Variants in MSRA observed in about 807,000 individuals in gnomAD.
MSRA encodes the protein mitochondrial peptide methionine sulfoxide reductase.
MSRA carries 54 observed loss-of-function variants against 31.3 expected under a neutral mutation model. The observed-to-expected ratio is 1.73, with a 90% CI of 1.39 to 2.17. The LOEUF is 2.17. Ranked by LOEUF, MSRA falls within the 30% of genes most tolerant of loss-of-function variation. The probability of loss-of-function intolerance (pLI) is 0.00; values close to 1 mark genes in which losing one functional copy is unlikely to be tolerated. For synonymous variants in MSRA, 169 were observed against 116.5 expected (o/e 1.45, Z -2.90); for missense variants, 507 against 300.9 (o/e 1.69, Z -5.07).
chr8:10,304,764 A>G (rs1230423521), intron 4 of MSRA, among the ~76,000 whole-genome samples: 1 of 152,226 alleles, frequency 6.6e-6, no homozygotes, highest in Non-Finnish European at 1.5e-5. Flanking sequence ...CCACTAGAGA[A>G]GATGAGGGTG....
In MSRA at chr8:10,325,511, A is replaced by C. The variant is rs150486395; in HGVS notation, c.543+5522A>C. 1.5e-3 allele frequency among the ~76,000 whole-genome samples: 221 copies of C among 152,240 alleles called. 1 individual carries two copies. The highest frequency in any genetic ancestry group is 5.1e-3 in the African/African-American group (211 of 41,562). On this transcript the variant is annotated intron_variant, in intron 5 of 5. Transcript: ENST00000317173. ...TTTAGCTGTAGATGTGTATCTCTCT[A>C]TGTCTTTATATAAAGTTAAATGCAT...
intron 3 of MSRA, among the ~76,000 whole-genome samples, chr8:10,270,820 G>A (rs1001276063): frequency 6.6e-6 from 1 of 152,234 alleles, no homozygotes; most frequent in African/African-American, 2.4e-5. Flanking sequence ...AAAGAAGAGA[G>A]TTATGAAGCC....
intron 5 of MSRA, among the ~76,000 whole-genome samples, chr8:10,350,836 G>C (rs1234957584): frequency 6.6e-6 from 1 of 152,222 alleles, no homozygotes; most frequent in South Asian, 2.1e-4. Context: ...CAGTTCCCAG[G>C]GTCGCTTCAG....
chr8:10,236,398 C>G (rs1359535312), intron 2 of MSRA, among the ~76,000 whole-genome samples: 1 of 152,158 alleles, frequency 6.6e-6, no homozygotes, highest in East Asian at 1.9e-4. Flanking sequence ...GAATTCTCTA[C>G]TCTTTCTGGC....
chr8:10,066,882 T>TC (rs1797479909), intron 1 of MSRA, among the ~76,000 whole-genome samples: 1 of 151,926 alleles, frequency 6.6e-6, no homozygotes, highest in African/African-American at 2.4e-5. Context: ...TGACTTTTTT[T>TC]TTTTTTTCGA....
intron 5 of MSRA, among the ~76,000 whole-genome samples, chr8:10,343,935 C>G (rs563278872): frequency 1.3e-5 from 2 of 152,172 alleles, no homozygotes; most frequent in African/African-American, 4.8e-5. Flanking sequence ...TCAATTGATT[C>G]ATCCTCAGTC....
chr8:10,294,127 G>A (rs1405374650), intron 3 of MSRA, among the ~76,000 whole-genome samples: 2 of 151,834 alleles, frequency 1.3e-5, no homozygotes, highest in African/African-American at 4.9e-5. Context: ...CTTGAACCTG[G>A]GAGGTGGAGG....
At chr8:10,104,268 T>C (rs1799727299) in intron 1 of MSRA, among the ~76,000 whole-genome samples, 1 of 152,194 alleles carries the variant, frequency 6.6e-6, no homozygotes, top group African/African-American at 2.4e-5. Context: ...TCCCAAGTAT[T>C]TGTAATGTGA....
intron 1 of MSRA, among the ~76,000 whole-genome samples, chr8:10,065,628 G>A (rs1160030041): frequency 6.6e-6 from 1 of 152,144 alleles, no homozygotes; most frequent in Non-Finnish European, 1.5e-5. Flanking sequence ...TGGAACTCAA[G>A]CCTGAACTAT....
intron 1 of MSRA, among the ~76,000 whole-genome samples, chr8:10,061,117 C>G (rs749400845): frequency 6.6e-6 from 1 of 152,164 alleles, no homozygotes; most frequent in African/African-American, 2.4e-5. Flanking sequence ...TGAGGGTATT[C>G]TGTACCTCCC....
chr8:10,400,359 C>CTGTGTG (rs1807378333), intron 5 of MSRA, among the ~76,000 whole-genome samples: 1 of 16,202 alleles, frequency 6.2e-5, no homozygotes, highest in African/African-American at 1.4e-4. Flanking sequence ...CCTATTCAGG[C>CTGTGTG]TCTGTGTGTG....
In MSRA at chr8:10,255,712, G is replaced by C. The variant is rs150474273; in HGVS notation, c.331+10489G>C. Among the ~76,000 whole-genome samples the C allele has an allele frequency of 1.8e-3, 275 of 152,118 alleles. 2 individuals carry two copies. Among genetic ancestry groups the C allele is most frequent in the African/African-American group, 6.3e-3 (263 of 41,484 alleles). Reference sequence around the variant, plus strand: ...GGGGAACAATCATCTGTCTGGTTTTGAGAGTCAGGTCGTAAAATGGTGAAA... The same window carrying C: ...GGGGAACAATCATCTGTCTGGTTTTCAGAGTCAGGTCGTAAAATGGTGAAA... On this transcript the variant is annotated intron_variant, in intron 3 of 5. Coordinates refer to ENST00000317173, the MANE Select transcript of MSRA (RefSeq NM_012331.5).
chr8:10,362,657 C>A (rs190925007), intron 5 of MSRA, among the ~76,000 whole-genome samples: 171 of 152,140 alleles, frequency 1.1e-3, no homozygotes, highest in African/African-American at 3.9e-3. Context: ...CCTGCTCCCC[C>A]ACCAATTTCT....
At chr8:10,165,666 C>CT (rs1344726409) in intron 1 of MSRA, among the ~76,000 whole-genome samples, 1 of 152,158 alleles carries the variant, frequency 6.6e-6, no homozygotes, top group Non-Finnish European at 1.5e-5. Flanking sequence ...TCCTAACCCC[C>CT]AAATCAGGAC....
chr8:10,213,512 C>A (rs1006720331), intron 2 of MSRA, among the ~76,000 whole-genome samples: 6 of 145,842 alleles, frequency 4.1e-5, no homozygotes, highest in African/African-American at 1.3e-4. Context: ...CCTCGGCTCA[C>A]TGCAACCTCC....
At chr8:10,328,373 G>T (rs889427505) in intron 5 of MSRA, among the ~76,000 whole-genome samples, 4 of 151,472 alleles carry the variant, frequency 2.6e-5, no homozygotes, top group Non-Finnish European at 5.9e-5. Context: ...CAATGAATCA[G>T]ATTAACAGAT....
At chr8:10,166,818 C>G (rs527559444) in intron 1 of MSRA, among the ~76,000 whole-genome samples, 4 of 152,270 alleles carry the variant, frequency 2.6e-5, no homozygotes, top group African/African-American at 9.6e-5. Context: ...TCAGCAGAGC[C>G]CATGGACTTA....
intron 1 of MSRA, among the ~76,000 whole-genome samples, chr8:10,122,871 C>T (rs930746372): frequency 6.6e-6 from 1 of 152,172 alleles, no homozygotes; most frequent in African/African-American, 2.4e-5. Context: ...TGATGTCGTT[C>T]TTTTTTATGG....
At chr8:10,355,705 C>A (rs1167344677) in intron 5 of MSRA, among the ~76,000 whole-genome samples, 1 of 152,042 alleles carries the variant, frequency 6.6e-6, no homozygotes, top group East Asian at 1.9e-4. Context: ...TTCCTGGGTG[C>A]CCTTGGAAAG....
Sources: allele counts gnomAD v4.1 joint callset (sites outside exome capture counted in the v4.1 genomes callset), GRCh38; gene constraint gnomAD v4.1.1; transcripts MANE v1.5; gene names NCBI Gene and HGNC (gene_info 2026-07-23, HGNC 2026-07-21).